ZBTB20: variants seen among roughly 807,000 people sequenced by gnomAD.
ZBTB20 encodes zinc finger and BTB domain containing 20, also known as zinc finger and BTB domain-containing protein 20.
Under a neutral mutation model 56.9 loss-of-function variants are expected in ZBTB20, and 9 were observed. That is an observed-to-expected ratio of 0.16 (90% CI 0.10 to 0.28). The LOEUF (loss-of-function observed/expected upper bound fraction) is 0.28, where lower values mean the gene tolerates loss of function less well. Among genes scored for constraint, ZBTB20 ranks in the 10% least tolerant of loss-of-function variants. The pLI is 1.00. For missense variants in ZBTB20, 655 were observed against 1,003.0 expected, an observed-to-expected ratio of 0.65 and a Z score of 4.69; for synonymous variants, 417 against 420.7, an observed-to-expected ratio of 0.99 and a Z score of 0.11.
intron 2 of ZBTB20, among the ~76,000 whole-genome samples, chr3:115,050,725 G>T (rs2081514539): frequency 6.6e-6 from 1 of 151,818 alleles, no homozygotes; most frequent in Admixed American, 6.6e-5. Flanking sequence ...ACTTTTCACC[G>T]AAACTTTTAT....
intron 1 of ZBTB20, among the ~76,000 whole-genome samples, chr3:115,098,784 A>G (rs1026474084): frequency 2.0e-4 from 30 of 152,170 alleles, no homozygotes; most frequent in African/African-American, 6.3e-4. Flanking sequence ...CAGGTGGGTT[A>G]AGAATATTGC....
chr3:114,353,531 T>C (rs1382547412), intron 10 of ZBTB20, among the ~76,000 whole-genome samples: 1 of 152,224 alleles, frequency 6.6e-6, no homozygotes, highest in Non-Finnish European at 1.5e-5. Flanking sequence ...ACAGATTCCA[T>C]CGTTTTTACT....
At chr3:114,695,597 C>T (rs1475354924) in intron 5 of ZBTB20, among the ~76,000 whole-genome samples, 2 of 151,814 alleles carry the variant, frequency 1.3e-5, no homozygotes, top group Non-Finnish European at 2.9e-5. Flanking sequence ...TGCAAATCTC[C>T]CTCACTTTTG....
intron 6 of ZBTB20, among the ~76,000 whole-genome samples, chr3:114,613,237 G>A (rs2057688582): frequency 6.6e-6 from 1 of 152,166 alleles, no homozygotes; most frequent in South Asian, 2.1e-4. Context: ...AATTAAAAGA[G>A]TTTGGACTGG....
chr3:114,632,788 T>C (rs1387487659), intron 6 of ZBTB20, among the ~76,000 whole-genome samples: 3 of 152,148 alleles, frequency 2.0e-5, no homozygotes, highest in African/African-American at 4.8e-5. Flanking sequence ...GATAATCAGG[T>C]AATAAGACTT....
intron 1 of ZBTB20, among the ~76,000 whole-genome samples, chr3:115,135,714 C>A (rs555491185): frequency 6.6e-6 from 1 of 152,108 alleles, no homozygotes; most frequent in South Asian, 2.1e-4. Context: ...GTGGTTTACA[C>A]GATGTTACCC....
chr3:114,502,113 C>T (rs1237510492), intron 6 of ZBTB20, among the ~76,000 whole-genome samples: 1 of 152,076 alleles, frequency 6.6e-6, no homozygotes, highest in East Asian at 1.9e-4. Context: ...CAAAGCAGGT[C>T]CCCCTACCTC....
intron 2 of ZBTB20, among the ~76,000 whole-genome samples, chr3:114,987,740 A>G (rs374452622): frequency 6.6e-5 from 10 of 152,266 alleles, no homozygotes; most frequent in Admixed American, 2.6e-4. Context: ...CTCCCTGTAG[A>G]CATGAATACA....
At chr3:114,854,643 C>A (rs2075156772) in intron 4 of ZBTB20, among the ~76,000 whole-genome samples, 1 of 152,190 alleles carries the variant, frequency 6.6e-6, no homozygotes, top group Non-Finnish European at 1.5e-5. Context: ...CACTTAACGT[C>A]CCTGAATCTG....
In ZBTB20 at chr3:114,776,035, T is replaced by TC. The variant is rs1553817366; in HGVS notation, c.-343+25065_-343+25066insG. ...TGTTACTCCTCCAATTTTTTTTCTT[T>TC]TTTTTTTTTTTTTTACTAACATACA... On this transcript the variant is annotated intron_variant, in intron 5 of 11. Transcript: ENST00000675478. Among the ~76,000 whole-genome samples, 484 of 145,958 alleles carry TC rather than the reference T, an allele frequency of 3.3e-3. 1 individual carries two copies. The highest frequency in any genetic ancestry group is 6.0e-3 in the Non-Finnish European group (398 of 65,928).
chr3:114,959,200 A>C (rs2077355517), intron 3 of ZBTB20, among the ~76,000 whole-genome samples: 1 of 152,282 alleles, frequency 6.6e-6, no homozygotes, highest in Admixed American at 6.5e-5. Context: ...AGAATACCAC[A>C]CAGGTTGTAT....
At chr3:114,541,523 T>C (rs1357301236) in intron 6 of ZBTB20, among the ~76,000 whole-genome samples, 26 of 152,122 alleles carry the variant, frequency 1.7e-4, no homozygotes, top group Non-Finnish European at 2.9e-5. Context: ...GTGATAACCA[T>C]ATTCCTGTTT....
intron 5 of ZBTB20, among the ~76,000 whole-genome samples, chr3:114,730,082 G>A (rs968471832): frequency 1.3e-5 from 2 of 151,568 alleles, no homozygotes; most frequent in Admixed American, 6.6e-5. Flanking sequence ...ACAGGTGTGA[G>A]CTACTGTGTC....
chr3:115,103,264 C>T (rs2083633408), intron 1 of ZBTB20, among the ~76,000 whole-genome samples: 1 of 152,156 alleles, frequency 6.6e-6, no homozygotes, highest in Non-Finnish European at 1.5e-5. Flanking sequence ...AAGTTAAAAA[C>T]TGGTTCTGTC....
chr3:115,043,820 C>A (rs1210664391), intron 2 of ZBTB20, among the ~76,000 whole-genome samples: 2 of 151,976 alleles, frequency 1.3e-5, no homozygotes, highest in African/African-American at 4.8e-5. Flanking sequence ...GTGTCCCCTC[C>A]AAATCTCATG....
intron 7 of ZBTB20, among the ~76,000 whole-genome samples, chr3:114,438,081 GT>G (rs1450533224): frequency 6.6e-6 from 1 of 152,130 alleles, no homozygotes; most frequent in Non-Finnish European, 1.5e-5. Flanking sequence ...TGCCAGTTGT[GT>G]TTTGAGTAAG....
At chr3:114,645,332 T>A (rs2059780730) in intron 6 of ZBTB20, among the ~76,000 whole-genome samples, 1 of 152,210 alleles carries the variant, frequency 6.6e-6, no homozygotes, top group African/African-American at 2.4e-5. Context: ...GATTACTTAA[T>A]ATTTACCTCA....
intron 7 of ZBTB20, among the ~76,000 whole-genome samples, chr3:114,439,986 C>T (rs1576767744): frequency 1.3e-5 from 2 of 152,114 alleles, no homozygotes; most frequent in East Asian, 3.9e-4. Flanking sequence ...GTTTGAATCT[C>T]TATAATCATG....
chr3:115,140,278 T>C (rs2084774962), intron 1 of ZBTB20, among the ~76,000 whole-genome samples: 1 of 151,874 alleles, frequency 6.6e-6, no homozygotes, highest in Non-Finnish European at 1.5e-5. Context: ...TAACAAAGAG[T>C]TGAATTTAAT....
Sources: allele counts gnomAD v4.1 joint callset (sites outside exome capture counted in the v4.1 genomes callset), GRCh38; gene constraint gnomAD v4.1.1; transcripts MANE v1.5; gene names NCBI Gene and HGNC (gene_info 2026-07-23, HGNC 2026-07-21).